The following CLSTN2 variants were observed in gnomAD, a reference collection of about 807,000 sequenced individuals.
CLSTN2 encodes calsyntenin-2.
In CLSTN2, 48 loss-of-function variants were observed where a neutral mutation model predicts 101.2. That is an observed-to-expected ratio of 0.47 (90% CI 0.38 to 0.60). The LOEUF (loss-of-function observed/expected upper bound fraction) is 0.60. Ranked by LOEUF, CLSTN2 falls within the 20% of genes least tolerant of loss-of-function variation. The pLI is 0.00. For synonymous variants in CLSTN2, 481 were observed against 463.6 expected, an observed-to-expected ratio of 1.04 and a Z score of -0.48; for missense variants, 1,160 against 1,238.2, an observed-to-expected ratio of 0.94 and a Z score of 0.95.
chr3:139,939,235 G>T (rs148306033), intron 1 of CLSTN2, among the ~76,000 whole-genome samples: 10 of 152,310 alleles, frequency 6.6e-5, no homozygotes, highest in South Asian at 6.2e-4. Flanking sequence ...TCTTTAGTAT[G>T]TCACAGGCAC....
chr3:140,001,811 C>G, intron 1 of CLSTN2, among the ~76,000 whole-genome samples: 1 of 151,922 alleles, frequency 6.6e-6, no homozygotes, highest in East Asian at 1.9e-4. Flanking sequence ...CTTCTACTCT[C>G]TATCTTCATG....
intron 1 of CLSTN2, among the ~76,000 whole-genome samples, chr3:140,149,615 T>C (rs955863033): frequency 6.6e-6 from 1 of 152,082 alleles, no homozygotes; most frequent in African/African-American, 2.4e-5. Context: ...TGCACCACCA[T>C]GCCCAGCTAA....
intron 1 of CLSTN2, among the ~76,000 whole-genome samples, chr3:139,956,963 C>A (rs979144122): frequency 1.3e-5 from 2 of 152,158 alleles, no homozygotes; most frequent in Non-Finnish European, 2.9e-5. Context: ...CTGCTTAGAG[C>A]ATAGAAAGCT....
intron 4 of CLSTN2, among the ~76,000 whole-genome samples, chr3:140,413,728 G>A (rs1462397902): frequency 6.6e-6 from 1 of 151,982 alleles, no homozygotes; most frequent in African/African-American, 2.4e-5. Flanking sequence ...CTTAGCCCTG[G>A]GATGCAAAGA....
At chr3:140,498,961 T>C (rs1052130689) in intron 8 of CLSTN2, among the ~76,000 whole-genome samples, 6 of 106,346 alleles carry the variant, frequency 5.6e-5, no homozygotes, top group Admixed American at 1.7e-4. Context: ...CACTTGAATG[T>C]TTTTTTTTTT....
intron 8 of CLSTN2, among the ~76,000 whole-genome samples, chr3:140,480,329 T>A (rs1312714634): frequency 6.6e-6 from 1 of 152,256 alleles, no homozygotes; most frequent in East Asian, 1.9e-4. Context: ...CCACATTTTC[T>A]TAATCCAGTC....
At chr3:140,551,289 A>G (rs1370781880) in intron 10 of CLSTN2, among the ~76,000 whole-genome samples, 1 of 152,002 alleles carries the variant, frequency 6.6e-6, no homozygotes, top group African/African-American at 2.4e-5. Flanking sequence ...TGATTAAGGA[A>G]ATTCTCTGCT....
intron 1 of CLSTN2, among the ~76,000 whole-genome samples, chr3:140,027,028 G>A (rs1306206761): frequency 6.6e-6 from 1 of 152,236 alleles, no homozygotes; most frequent in East Asian, 1.9e-4. Context: ...GGGGCTGGTG[G>A]TGAGATTTCT....
rs908182758 is a variant in CLSTN2 at position 140,573,123 on chromosome 3, A to C, written c.*6870A>C. 5.3e-5 allele frequency: 8 copies of C among 152,210 alleles called. No individual in the cohort carries two copies. The highest frequency in any genetic ancestry group is 7.3e-5 in the Non-Finnish European group (5 of 68,038). 9.4% of individuals were successfully genotyped at this position (152,210 alleles called of 1,614,324 possible). A position where few individuals can be genotyped will look rare whatever the true frequency, so the allele number is the denominator to read the frequency against. ...TTCGAGGGCCATATTTTGTGGAGAAACACTGAAACTGCAGCAGTGACCCTG... is the reference window on the plus strand; with the variant it reads ...TTCGAGGGCCATATTTTGTGGAGAACCACTGAAACTGCAGCAGTGACCCTG... On this transcript the variant is annotated 3_prime_UTR_variant, in exon 17 of 17. Coordinates refer to ENST00000458420, the MANE Select transcript of CLSTN2 (RefSeq NM_022131.3).
chr3:140,267,968 G>A (rs2086710005), intron 2 of CLSTN2, among the ~76,000 whole-genome samples: 1 of 152,078 alleles, frequency 6.6e-6, no homozygotes, highest in African/African-American at 2.4e-5. Flanking sequence ...ACATCCATTA[G>A]CTCCTGTTAT....
chr3:140,137,886 C>G (rs1028146270), intron 1 of CLSTN2, among the ~76,000 whole-genome samples: 9 of 152,144 alleles, frequency 5.9e-5, no homozygotes, highest in African/African-American at 2.2e-4. Flanking sequence ...TGAATTTAAA[C>G]CCAGGTCCAT....
intron 4 of CLSTN2, among the ~76,000 whole-genome samples, chr3:140,406,571 G>A (rs1383426929): frequency 3.3e-5 from 5 of 152,174 alleles, no homozygotes; most frequent in South Asian, 2.1e-4. Context: ...ATCGTTCCCC[G>A]ATAGTTTCTC....
rs963181 is a variant in CLSTN2, at chr3:140,007,530, T to C, written c.109+72047T>C. On this transcript the variant is annotated intron_variant, in intron 1 of 16. Coordinates refer to ENST00000458420, the MANE Select transcript of CLSTN2 (RefSeq NM_022131.3). ...AGGAATGGATTTGAGTCCCATGAAA[T>C]ATGAATTTAATTCATTCATCTGTGC... Among the ~76,000 whole-genome samples the C allele has an allele frequency of 2.0e-3, 303 of 152,310 alleles. 1 individual carries two copies. The highest frequency in any genetic ancestry group is 6.8e-3 in the African/African-American group (282 of 41,554).
chr3:140,366,919 C>T (rs2107954131), intron 2 of CLSTN2, among the ~76,000 whole-genome samples: 1 of 152,290 alleles, frequency 6.6e-6, no homozygotes, highest in South Asian at 2.1e-4. Context: ...CAGGGTAGAA[C>T]TAGCACCAAG....
intron 8 of CLSTN2, chr3:140,507,054 G>A (rs1050589039): frequency 6.6e-6 from 1 of 152,176 alleles, no homozygotes; most frequent in South Asian, 2.1e-4. Flanking sequence ...GTCCAGATGG[G>A]GTGATGAGGA....
At chr3:140,110,879 G>A (rs2009144302) in intron 1 of CLSTN2, among the ~76,000 whole-genome samples, 2 of 152,128 alleles carry the variant, frequency 1.3e-5, no homozygotes, top group African/African-American at 4.8e-5. Context: ...GATGGGACTT[G>A]CAATTGGCTC....
intron 1 of CLSTN2, among the ~76,000 whole-genome samples, chr3:140,027,873 C>T (rs2007455017): frequency 6.6e-6 from 1 of 152,204 alleles, no homozygotes; most frequent in Non-Finnish European, 1.5e-5. Flanking sequence ...AGAGCAGAAG[C>T]TGTGGCATCA....
In CLSTN2 at chr3:140,333,626, TTCA is replaced by T. The variant is rs559994356; in HGVS notation, c.233-69995_233-69993del. The stretch of plus-strand genomic sequence containing the variant: ...CTTGGTTTCCCGCCACATTAGGCAT[TTCA>T]TCATCATTTATGCCAACTTTCATCA... On this transcript the variant is annotated intron_variant, in intron 2 of 16. Coordinates refer to ENST00000458420, the MANE Select transcript of CLSTN2 (RefSeq NM_022131.3). Among the ~76,000 whole-genome samples, 4 of 152,236 alleles carry T rather than the reference TTCA, an allele frequency of 2.6e-5. No individual in the cohort carries two copies. The South Asian group carries it at 8.3e-4, about 32-fold the overall frequency.
intron 1 of CLSTN2, among the ~76,000 whole-genome samples, chr3:140,078,564 C>A (rs933617886): frequency 1.3e-5 from 2 of 152,132 alleles, no homozygotes; most frequent in Non-Finnish European, 2.9e-5. Context: ...AAAAGCTGTG[C>A]CACAGCCTGG....
Sources: gnomAD v4.1 joint callset for allele counts (sites outside exome capture counted in the v4.1 genomes callset) on GRCh38, gnomAD v4.1.1 for gene constraint, MANE v1.5 for transcripts, NCBI Gene and HGNC (gene_info 2026-07-23, HGNC 2026-07-21) for gene names.